The following LIPA variants were observed in gnomAD, a reference collection of about 807,000 sequenced individuals.
The protein encoded by LIPA is lipase A, lysosomal acid type, also known as lysosomal acid lipase/cholesteryl ester hydrolase.
A neutral mutation model predicts 40.6 loss-of-function variants in LIPA; 26 were observed. The observed-to-expected ratio is 0.64, with a 90% confidence interval of 0.47 to 0.89. The LOEUF is 0.89. LIPA is among the 40% of genes least tolerant of loss of function. The probability of loss-of-function intolerance (pLI) is 0.00; values close to 1 mark genes in which losing one functional copy is unlikely to be tolerated. For synonymous variants in LIPA, 188 were observed against 168.4 expected (o/e 1.12, Z -0.90); for missense variants, 455 against 479.6 (o/e 0.95, Z 0.48).
intron 3 of LIPA, among the ~76,000 whole-genome samples, chr10:89,234,043 C>T (rs1323382019): frequency 2.6e-5 from 4 of 152,222 alleles, no homozygotes; most frequent in Non-Finnish European, 5.9e-5. Context: ...AAGGCTAGAA[C>T]ACCACTCAGG....
At chr10:89,271,242 C>T (rs954572347) in intron 1 of LIPA, among the ~76,000 whole-genome samples, 6 of 152,168 alleles carry the variant, frequency 3.9e-5, no homozygotes, top group African/African-American at 1.4e-4. Context: ...CCAAAAATGG[C>T]CAATGCAGTA....
intron 3 of LIPA, among the ~76,000 whole-genome samples, chr10:89,236,796 A>C (rs981361526): frequency 1.3e-5 from 2 of 152,242 alleles, no homozygotes; most frequent in Non-Finnish European, 2.9e-5. Context: ...GGATTGCTCT[A>C]ATATGATTCT....
intron 3 of LIPA, among the ~76,000 whole-genome samples, chr10:89,239,371 A>C (rs149296374): frequency 0.011 from 1,613 of 152,270 alleles, 9 homozygotes; most frequent in Middle Eastern, 0.02. Flanking sequence ...TGGTTTCCTC[A>C]TCTGTAAAAC....
chr10:89,315,673 T>C (rs1372651883), intron 1 of LIPA, among the ~76,000 whole-genome samples: 1 of 152,216 alleles, frequency 6.6e-6, no homozygotes, highest in African/African-American at 2.4e-5. Context: ...ATAATATGTG[T>C]ATTACTTTTG....
At chr10:89,410,453 T>A (rs1437200321) in intron 2 of LIPA, among the ~76,000 whole-genome samples, 1 of 152,212 alleles carries the variant, frequency 6.6e-6, no homozygotes, top group Non-Finnish European at 1.5e-5. Context: ...CCTTAGCTAA[T>A]CCTGACCTTA....
At chr10:89,396,689 G>A (rs951885909) in intron 2 of LIPA, among the ~76,000 whole-genome samples, 3 of 152,206 alleles carry the variant, frequency 2.0e-5, no homozygotes, top group Non-Finnish European at 2.9e-5. Flanking sequence ...ATTTGGTGGG[G>A]ACAATCAAAC....
intron 2 of LIPA, among the ~76,000 whole-genome samples, chr10:89,386,216 AT>A (rs1303714519): frequency 6.6e-6 from 1 of 152,028 alleles, no homozygotes; most frequent in Admixed American, 6.5e-5. Flanking sequence ...CCTACCAAGA[AT>A]TTTTCAAAAA....
At chr10:89,284,626 T>C (rs1303180068) in intron 1 of LIPA, 1 of 152,094 alleles carries the variant, frequency 6.6e-6, no homozygotes, top group Non-Finnish European at 1.5e-5. Context: ...TGCCAGCAAG[T>C]ATAAGCGAAA....
intron 2 of LIPA, among the ~76,000 whole-genome samples, chr10:89,355,111 C>T (rs1284668308): frequency 6.6e-6 from 1 of 152,098 alleles, no homozygotes; most frequent in East Asian, 1.9e-4. Flanking sequence ...TTGTTATTTG[C>T]AGGAGTAATT....
At chr10:89,327,586 G>A (rs1020042698) in intron 1 of LIPA, among the ~76,000 whole-genome samples, 2 of 151,968 alleles carry the variant, frequency 1.3e-5, no homozygotes, top group African/African-American at 4.8e-5. Context: ...AAAAGAGTGT[G>A]TTCTATTAGT....
Position 89,384,739 on chromosome 10 carries a change from C to T in LIPA, c.61+28052G>A, listed in dbSNP as rs150332253. The T allele has an allele frequency of 4.1e-4, 647 of 1,592,376 alleles. 3 individuals are homozygous for T. In the African/African-American group the frequency reaches 7.9e-3, roughly 20 times the overall value. ...TGCTGACCTGAACCCTATATTTTAA[C>T]ATAGAGGTCACCATTATCCATTTAA... On this transcript the variant is annotated intron_variant, in intron 2 of 8. Transcript: ENST00000371837.
At chr10:89,338,832 C>T (rs746070414) in intron 1 of LIPA, 1 of 1,614,132 alleles carries the variant, frequency 6.2e-7, no homozygotes, top group South Asian at 1.1e-5. Context: ...TGTTGGCCTA[C>T]ATAAAACACC....
chr10:89,226,253 G>A (rs1171243182), intron 5 of LIPA, among the ~76,000 whole-genome samples: 1 of 152,062 alleles, frequency 6.6e-6, no homozygotes, highest in Non-Finnish European at 1.5e-5. Context: ...ATATAGTAAG[G>A]CTCCTTCTAG....
intron 2 of LIPA, among the ~76,000 whole-genome samples, chr10:89,387,253 T>C (rs1308117300): frequency 6.7e-6 from 1 of 149,880 alleles, no homozygotes; most frequent in East Asian, 2.0e-4. Flanking sequence ...GAGGTGGAGC[T>C]TGCAGTGAGC....
At chr10:89,401,172 A>G (rs1844417124) in intron 2 of LIPA, among the ~76,000 whole-genome samples, 1 of 150,406 alleles carries the variant, frequency 6.6e-6, no homozygotes, top group African/African-American at 2.5e-5. Context: ...GCCAGAGTGC[A>G]GTGGCGCGAT....
intron 4 of LIPA, 144 bp from the exon 5 acceptor site, chr10:89,227,148 A>G (rs1842780323): frequency 2.9e-6 from 2 of 680,150 alleles, no homozygotes; most frequent in Admixed American, 4.3e-5. Flanking sequence ...CACCAGCAGG[A>G]CTGCAGAAGC....
At chr10:89,323,036 A>G (rs983628908) in intron 1 of LIPA, among the ~76,000 whole-genome samples, 8 of 152,198 alleles carry the variant, frequency 5.3e-5, no homozygotes, top group Non-Finnish European at 1.0e-4. Flanking sequence ...GGCCTCTTGT[A>G]GCCAGGCAAG....
At chr10:89,390,945 A>C (rs953180175) in intron 2 of LIPA, among the ~76,000 whole-genome samples, 8 of 152,230 alleles carry the variant, frequency 5.3e-5, no homozygotes, top group Non-Finnish European at 1.5e-5. Flanking sequence ...ATCTGAGTGC[A>C]AGACAAAACC....
Position 89,239,947 on chromosome 10 carries a change from G to A in LIPA, c.229+5729C>T, listed in dbSNP as rs147489116. On this transcript the variant is annotated intron_variant, in intron 3 of 9. Transcript: ENST00000336233. ...CTTCCCTGCCCCTCTCTGCCACCAC[G>A]GCCTGTCCTCAGACAGCTTTGCAGC... Among the ~76,000 whole-genome samples the A allele has an allele frequency of 5.6e-3, 849 of 152,138 alleles. 9 individuals are homozygous for A. Among genetic ancestry groups the A allele is most frequent in the African/African-American group, 0.019 (798 of 41,480 alleles).
Sources: gnomAD v4.1 joint callset for allele counts (sites outside exome capture counted in the v4.1 genomes callset) on GRCh38, gnomAD v4.1.1 for gene constraint, MANE v1.5 for transcripts, NCBI Gene and HGNC (gene_info 2026-07-23, HGNC 2026-07-21) for gene names.